The following EXOC2 variants were observed in gnomAD, a reference collection of about 807,000 sequenced individuals.
EXOC2 encodes exocyst complex component 2.
Under a neutral mutation model 131.8 loss-of-function variants are expected in EXOC2, and 70 were observed. That is an observed-to-expected ratio of 0.53 (90% CI 0.44 to 0.65). The LOEUF is 0.65. Among genes scored for constraint, EXOC2 ranks in the 30% least tolerant of loss-of-function variants. The probability of loss-of-function intolerance (pLI) is 0.00; values close to 1 mark genes in which losing one functional copy is unlikely to be tolerated. For synonymous variants in EXOC2, 411 were observed against 398.4 expected, an observed-to-expected ratio of 1.03 and a Z score of -0.38; for missense variants, 923 against 1,108.6, an observed-to-expected ratio of 0.83 and a Z score of 2.38.
chr6:588,622 GGATT>G (rs1235114208), intron 11 of EXOC2, among the ~76,000 whole-genome samples: 1 of 152,236 alleles, frequency 6.6e-6, no homozygotes, highest in Non-Finnish European at 1.5e-5. Flanking sequence ...CAAAGTGTTG[GGATT>G]ACAGGCGTGG....
At chr6:497,514 T>G (rs770762764) in intron 24 of EXOC2, 25 bp from the exon 25 acceptor site, 7 of 1,591,618 alleles carry the variant, frequency 4.4e-6, no homozygotes, top group Non-Finnish European at 6.0e-6. Context: ...GAAGACATGG[T>G]GCTTTGTGGG....
intron 3 of EXOC2, 139 bp from the exon 4 acceptor site, chr6:630,100 A>C: frequency 9.1e-7 from 1 of 1,095,362 alleles, no homozygotes; most frequent in Non-Finnish European, 1.2e-6. Flanking sequence ...AGGACATAAC[A>C]GCTAAATTTT....
At chr6:630,330 G>T (rs958480705) in intron 3 of EXOC2, among the ~76,000 whole-genome samples, 1 of 152,114 alleles carries the variant, frequency 6.6e-6, no homozygotes, top group African/African-American at 2.4e-5. Context: ...AAAAAATTCA[G>T]AAAGTCAGTA....
intron 7 of EXOC2, among the ~76,000 whole-genome samples, chr6:606,238 A>AG (rs1336730932): frequency 6.6e-6 from 1 of 152,212 alleles, no homozygotes; most frequent in African/African-American, 2.4e-5. Flanking sequence ...GGACACAGGA[A>AG]GGGGACCATC....
intron 22 of EXOC2, among the ~76,000 whole-genome samples, chr6:541,558 C>T (rs112650593): frequency 2.8e-3 from 380 of 135,032 alleles, no homozygotes; most frequent in Non-Finnish European, 4.9e-3. Flanking sequence ...ATGACCATAT[C>T]GCAGCTGAGG....
intron 23 of EXOC2, among the ~76,000 whole-genome samples, chr6:509,290 CTAA>C (rs777879931): frequency 2.6e-5 from 4 of 152,140 alleles, no homozygotes; most frequent in Non-Finnish European, 4.4e-5. Context: ...TTCTTGGATT[CTAA>C]TACAACAGTT....
intron 27 of EXOC2, among the ~76,000 whole-genome samples, chr6:486,975 G>C (rs987026841): frequency 6.6e-6 from 1 of 152,220 alleles, no homozygotes; most frequent in African/African-American, 2.4e-5. Context: ...ATTTATGTTT[G>C]TACAGAAACA....
At chr6:574,889 G>C (rs1561875984) in intron 12 of EXOC2, among the ~76,000 whole-genome samples, 1 of 152,252 alleles carries the variant, frequency 6.6e-6, no homozygotes, top group African/African-American at 2.4e-5. Flanking sequence ...ACAGTAGTTG[G>C]TAATGCCTGT....
chr6:548,242 A>G (rs913137588), intron 22 of EXOC2, among the ~76,000 whole-genome samples: 11 of 152,084 alleles, frequency 7.2e-5, no homozygotes, highest in Non-Finnish European at 1.6e-4. Flanking sequence ...CCACTTTGAC[A>G]TTTTCACTCT....
chr6:607,905 T>A (rs1385134029), intron 7 of EXOC2, among the ~76,000 whole-genome samples: 1 of 152,180 alleles, frequency 6.6e-6, no homozygotes, highest in Non-Finnish European at 1.5e-5. Context: ...AAACTCTGAA[T>A]AAATGACCTA....
In EXOC2 at chr6:667,201, A is replaced by G. The variant is rs770369628; in HGVS notation, c.-44+25818T>C. Among the ~76,000 whole-genome samples the G allele has an allele frequency of 4.3e-4, 29 of 67,770 alleles. 10 individuals carry two copies. The highest frequency in any genetic ancestry group is 8.7e-4 in the Non-Finnish European group (25 of 28,860). 44.5% of individuals were successfully genotyped at this position (67,770 alleles called of 152,430 possible). A position where few individuals can be genotyped will look rare whatever the true frequency, so the allele number is the denominator to read the frequency against. ...TTTCTTCATGTAGATCTGAGTTTCT[A>G]ATCTACATCATTATCACTGTTGTTT... On this transcript the variant is annotated intron_variant, in intron 1 of 27. Coordinates refer to ENST00000230449, the MANE Select transcript of EXOC2 (RefSeq NM_018303.6).
chr6:687,073 G>A (rs1200687455), intron 1 of EXOC2, among the ~76,000 whole-genome samples: 4 of 150,894 alleles, frequency 2.7e-5, no homozygotes, highest in African/African-American at 4.9e-5. Context: ...AGTATTTTAG[G>A]AAGTATAGTT....
chr6:619,897 T>C (rs948688211), intron 4 of EXOC2, among the ~76,000 whole-genome samples: 3 of 152,362 alleles, frequency 2.0e-5, no homozygotes, highest in East Asian at 1.9e-4. Flanking sequence ...ATTCAATGTA[T>C]AAAAATCAAA....
chr6:610,510 G>C (rs1207927358), intron 6 of EXOC2, among the ~76,000 whole-genome samples: 1 of 152,176 alleles, frequency 6.6e-6, no homozygotes, highest in African/African-American at 2.4e-5. Flanking sequence ...AATCCAAAAT[G>C]CTCCAAAATC....
intron 17 of EXOC2, among the ~76,000 whole-genome samples, chr6:560,784 T>C (rs7774217): frequency 0.02 from 3,067 of 152,088 alleles, 54 homozygotes; most frequent in Middle Eastern, 0.034. Context: ...CTCGGCTCAC[T>C]GCAACCTCTG....
In EXOC2 at chr6:599,149, T is replaced by C. The variant is rs1759985893; in HGVS notation, c.819A>G (p.Ala273=). The change falls in exon 8 of 28, where the codon GCA becomes GCG. Residue 273 remains alanine (A), a synonymous_variant. Coordinates refer to ENST00000230449, the MANE Select transcript of EXOC2 (RefSeq NM_018303.6). ...ACTTAAATCGCTGAAGCACATTGAG[T>C]GCATTTCTAGTGGAATCTGCCTTGT... ...RKDKADSTRN[A]LNVLQRFKFL... 3.1e-6 allele frequency: 5 copies of C among 1,613,390 alleles called. No individual in the cohort carries two copies. The highest frequency in any genetic ancestry group is 3.4e-6 in the Non-Finnish European group (4 of 1,179,568).
intron 22 of EXOC2, among the ~76,000 whole-genome samples, chr6:533,045 G>A (rs1766191331): frequency 6.6e-6 from 1 of 152,122 alleles, no homozygotes; most frequent in Admixed American, 6.5e-5. Context: ...GGGGAAGAGA[G>A]CCCCTTATAA....
intron 1 of EXOC2, among the ~76,000 whole-genome samples, chr6:691,463 A>AT (rs1417559387): frequency 6.6e-6 from 1 of 152,174 alleles, no homozygotes; most frequent in African/African-American, 2.4e-5. Flanking sequence ...GACTATGGGG[A>AT]TAATAACCTT....
intron 24 of EXOC2, 114 bp from the exon 25 acceptor site, chr6:497,603 A>G (rs1763814244): frequency 3.6e-6 from 5 of 1,401,492 alleles, no homozygotes; most frequent in Middle Eastern, 1.9e-4. Flanking sequence ...CTTCTAAGTC[A>G]TTTTTAAAAG....
Sources: gnomAD v4.1 joint callset for allele counts (sites outside exome capture counted in the v4.1 genomes callset) on GRCh38, gnomAD v4.1.1 for gene constraint, MANE v1.5 for transcripts, NCBI Gene and HGNC (gene_info 2026-07-23, HGNC 2026-07-21) for gene names.